Variants in MNDA observed in about 807,000 individuals in gnomAD.
MNDA encodes epididymis secretory sperm binding protein.
MNDA carries 43 observed loss-of-function variants against 37.8 expected under a neutral mutation model. The observed-to-expected ratio is 1.14, with a 90% CI of 0.89 to 1.47. MNDA has a LOEUF of 1.47. MNDA is among the 40% of genes most tolerant of loss of function. The pLI, the probability that MNDA is intolerant of heterozygous loss-of-function variation, is 0.00. For missense variants in MNDA, 536 were observed against 476.0 expected, an observed-to-expected ratio of 1.13 and a Z score of -1.17; for synonymous variants, 181 against 169.0, an observed-to-expected ratio of 1.07 and a Z score of -0.55.
chr1:158,837,723 A>G (rs2102046576), intron 1 of MNDA, among the ~76,000 whole-genome samples: 1 of 151,962 alleles, frequency 6.6e-6, no homozygotes. Flanking sequence ...ATTTGAACTA[A>G]TTATTGATAA....
At chr1:158,846,948 C>G (rs11805139) in intron 5 of MNDA, among the ~76,000 whole-genome samples, 24,644 of 152,006 alleles carry the variant, frequency 0.16, 2,319 homozygotes, top group Admixed American at 0.26. Context: ...TCAATGGGGA[C>G]AAGATATTGG....
intron 3 of MNDA, 135 bp downstream of exon 3, chr1:158,843,550 A>G: frequency 1.0e-6 from 1 of 966,610 alleles, no homozygotes; most frequent in East Asian, 3.0e-5. Flanking sequence ...GTGATGAGTA[A>G]AGAGTTAGGT....
intron 4 of MNDA, 103 bp downstream of exon 4, chr1:158,844,225 T>C: frequency 8.4e-7 from 1 of 1,185,708 alleles, no homozygotes; most frequent in Non-Finnish European, 1.2e-6. Context: ...ATATTACTGA[T>C]TTGCTGTGGG....
intron 1 of MNDA, among the ~76,000 whole-genome samples, chr1:158,833,637 T>C (rs1239305376): frequency 2.0e-5 from 3 of 152,250 alleles, no homozygotes; most frequent in Non-Finnish European, 4.4e-5. Context: ...TTCATTCATG[T>C]TGTATTGTAT....
chr1:158,845,928 TA>T lies in MNDA; in HGVS notation c.916del (p.Thr306LeufsTer45), dbSNP rs761178295. 1 of 1,613,950 alleles carries T rather than the reference TA, an allele frequency of 6.2e-7. No homozygotes were observed. The highest frequency in any genetic ancestry group is 1.3e-5 in the African/African-American group (1 of 74,900). On this transcript the variant is annotated frameshift_variant, in exon 5 of 7. Coordinates refer to ENST00000368141, the MANE Select transcript of MNDA (RefSeq NM_002432.3). LOFTEE classifies it high-confidence loss of function. ...VPNRIIEIAN[K>X]TPKISQLYKQ... is the part of the protein sequence containing the mutation. Reference sequence around the variant, plus strand: ...CAAACAGAATTATCGAAATAGCAAATAAAACTCCCAAGATCAGTCAACTTTA... The same window carrying T: ...CAAACAGAATTATCGAAATAGCAAATAAACTCCCAAGATCAGTCAACTTTA...
chr1:158,835,100 C>T (rs1658881211), intron 1 of MNDA, among the ~76,000 whole-genome samples: 1 of 152,130 alleles, frequency 6.6e-6, no homozygotes, highest in African/African-American at 2.4e-5. Context: ...TTTAAAGTAC[C>T]TTTAAATTCT....
Position 158,849,426 on chromosome 1 carries a change from C to A in MNDA, c.*189C>A. 1 of 489,194 alleles carries A rather than the reference C, an allele frequency of 2.0e-6. No individual in the cohort carries two copies. The highest frequency in any genetic ancestry group is 3.6e-6 in the Non-Finnish European group (1 of 275,342). 30.3% of individuals were successfully genotyped at this position (489,194 alleles called of 1,614,324 possible). ...TGGAATAAAATTTTCTTCTTATACT[C>A]TTCCTTTTTTTTAGATATTACATTT... On this transcript the variant is annotated 3_prime_UTR_variant, in exon 7 of 7. Coordinates refer to ENST00000368141, the MANE Select transcript of MNDA (RefSeq NM_002432.3).
In MNDA at chr1:158,842,425, G is replaced by C; in HGVS notation, c.265+7G>C. ...CGAAAAGAGAAGTCAAAAGGTAATA[G>C]AGAAAACCTTGCACATAGCTACTCT... On this transcript the variant is annotated splice_region_variant and intron_variant, in intron 2 of 6. Transcript: ENST00000368141. 6.2e-7 allele frequency: 1 copy of C among 1,606,072 alleles called. No homozygotes were observed. Among genetic ancestry groups the C allele is most frequent in the Non-Finnish European group, 8.5e-7 (1 of 1,176,728 alleles).
intron 3 of MNDA, 105 bp downstream of exon 3, chr1:158,843,520 A>G: frequency 8.3e-7 from 1 of 1,202,860 alleles, no homozygotes; most frequent in Non-Finnish European, 1.1e-6. Flanking sequence ...TTACCAAATT[A>G]GTAATTATGG....
chr1:158,833,202 C>A (rs1467357258), intron 1 of MNDA, among the ~76,000 whole-genome samples: 1 of 152,158 alleles, frequency 6.6e-6, no homozygotes. Flanking sequence ...CTTTTGGCCT[C>A]CAACATTTCT....
chr1:158,834,155 G>A (rs188604900), intron 1 of MNDA, among the ~76,000 whole-genome samples: 16 of 151,086 alleles, frequency 1.1e-4, no homozygotes, highest in Admixed American at 5.3e-4. Flanking sequence ...GATTATTGCC[G>A]TTGAGCATAC....
chr1:158,845,472 C>T, intron 4 of MNDA, 115 bp from the exon 5 acceptor site: 1 of 975,158 alleles, frequency 1.0e-6, no homozygotes, highest in South Asian at 1.8e-5. Flanking sequence ...GATCTTCTGA[C>T]CTCGTGATCC....
chr1:158,842,024 G>T (rs1659037104), intron 1 of MNDA, 110 bp from the exon 2 acceptor site: 3 of 831,184 alleles, frequency 3.6e-6, no homozygotes, highest in African/African-American at 1.7e-5. Context: ...TTTCTTATAC[G>T]CATCCAAGGA....
chr1:158,844,125 A>G lies in MNDA; in HGVS notation c.570+3A>G, dbSNP rs199694241. On this transcript the variant is annotated splice_donor_region_variant and intron_variant, in intron 4 of 6. Transcript: ENST00000368141. ...CATCCAACACTTCGTTTACTCCGGT[A>G]CACTCTTCCTGGTCCTCTTCTCCAT... The G allele has an allele frequency of 5.8e-6, 9 of 1,560,488 alleles. No homozygotes were observed. The highest frequency in any genetic ancestry group is 2.3e-5 in the East Asian group (1 of 43,942).
intron 5 of MNDA, among the ~76,000 whole-genome samples, chr1:158,846,246 G>C (rs1659131394): frequency 6.6e-6 from 1 of 152,208 alleles, no homozygotes. Context: ...TCTGTTGTCA[G>C]CCACAATGAA....
chr1:158,846,728 A>G (rs1659142368), intron 5 of MNDA, among the ~76,000 whole-genome samples: 1 of 152,222 alleles, frequency 6.6e-6, no homozygotes. Context: ...ACTCTAAAAC[A>G]TTACACATTT....
chr1:158,846,632 A>T (rs1453244529), intron 5 of MNDA, among the ~76,000 whole-genome samples: 1 of 152,202 alleles, frequency 6.6e-6, no homozygotes, highest in African/African-American at 2.4e-5. Context: ...CAAAAAAAAA[A>T]TAATTCCAAG....
rs189314983 is a variant in MNDA at position 158,845,697 on chromosome 1, C to G, written c.681C>G (p.Ser227=). Residue 227 remains serine (S), a synonymous_variant, in exon 5 of 7, where the codon TCC becomes TCG. Transcript: ENST00000368141. ...CAACAGCGCCATTTAAATACGAGTC[C>G]CCAGAAAATGGGAAAAGCACAATGT... ...LKATAPFKYE[S]PENGKSTMFH... is the part of the protein sequence containing the mutation. The G allele has an allele frequency of 6.2e-7, 1 of 1,614,042 alleles. No homozygotes were observed. The highest frequency in any genetic ancestry group is 2.2e-5 in the East Asian group (1 of 44,878).
chr1:158,848,465 G>C (rs954941208), intron 6 of MNDA, among the ~76,000 whole-genome samples: 2 of 151,946 alleles, frequency 1.3e-5, no homozygotes, highest in African/African-American at 4.8e-5. Flanking sequence ...GTGACATAGC[G>C]TAATGAGTTC....
Sources: allele counts gnomAD v4.1 joint callset (sites outside exome capture counted in the v4.1 genomes callset), GRCh38; gene constraint gnomAD v4.1.1; transcripts MANE v1.5; gene names NCBI Gene and HGNC (gene_info 2026-07-23, HGNC 2026-07-21).